The following SETBP1 variants were observed in gnomAD, a reference collection of about 807,000 sequenced individuals.
The protein encoded by SETBP1 is SET-binding protein.
A neutral mutation model predicts 101.0 loss-of-function variants in SETBP1; 9 were observed. The observed-to-expected ratio is 0.09, with a 90% confidence interval of 0.05 to 0.16. The LOEUF (loss-of-function observed/expected upper bound fraction) is 0.16, where lower values mean the gene tolerates loss of function less well. SETBP1 is among the 10% of genes least tolerant of loss of function. The pLI, the probability that SETBP1 is intolerant of heterozygous loss-of-function variation, is 1.00. For missense variants in SETBP1, 1,858 were observed against 2,033.8 expected (o/e 0.91, Z 1.66); for synonymous variants, 818 against 788.5 (o/e 1.04, Z -0.63).
chr18:44,774,162 G>A (rs1373596142), intron 2 of SETBP1, among the ~76,000 whole-genome samples: 2 of 152,146 alleles, frequency 1.3e-5, no homozygotes, highest in Non-Finnish European at 2.9e-5. Flanking sequence ...TGACTTTGAA[G>A]ATTTTAATCT....
chr18:44,944,113 C>G (rs2071149817), intron 3 of SETBP1, among the ~76,000 whole-genome samples: 2 of 152,176 alleles, frequency 1.3e-5, no homozygotes, highest in African/African-American at 4.8e-5. Flanking sequence ...GGATTACACA[C>G]ATGAGCCACT....
rs2073986137 is a variant in SETBP1 at position 45,067,656 on chromosome 18, T to C, written c.*3958T>C. 6.6e-6 allele frequency: 1 copy of C among 152,190 alleles called. No individual in the cohort carries two copies. The highest frequency in any genetic ancestry group is 1.5e-5 in the Non-Finnish European group (1 of 68,038). 9.4% of individuals were successfully genotyped at this position (152,190 alleles called of 1,614,324 possible). On this transcript the variant is annotated 3_prime_UTR_variant, in exon 6 of 6. Transcript: ENST00000649279. The stretch of plus-strand genomic sequence containing the variant: ...GTGCCTAGAAACTCGAACTGTAATA[T>C]ATCGTAGCATTTTCTTGGTGTTTCT...
At chr18:44,748,639 C>G (rs1481182528) in intron 2 of SETBP1, among the ~76,000 whole-genome samples, 1 of 151,874 alleles carries the variant, frequency 6.6e-6, no homozygotes, top group Non-Finnish European at 1.5e-5. Context: ...GTGCAGGCAC[C>G]ATGTGCGTGC....
chr18:44,981,875 C>T, intron 4 of SETBP1, among the ~76,000 whole-genome samples: 1 of 152,106 alleles, frequency 6.6e-6, no homozygotes, highest in East Asian at 1.9e-4. Flanking sequence ...TGTTTTGTTT[C>T]TAATTAGCAG....
Position 44,952,274 on chromosome 18 carries a change from C to T in SETBP1, c.2934C>T (p.His978=), listed in dbSNP as rs145566816. The T allele has an allele frequency of 4.1e-4, 654 of 1,614,030 alleles. 2 individuals are homozygous for T. The highest frequency in any genetic ancestry group is 4.9e-4 in the Non-Finnish European group (578 of 1,180,032). Residue 978 remains histidine (H), a synonymous_variant, in exon 4 of 6, where the codon CAC becomes CAT. Transcript: ENST00000649279. The part of the protein sequence containing the change: ...RISHRSYTFY[H]ENPYPSIFRI... ...CCCACCGGAGTTACACCTTCTACCA[C>T]GAGAATCCATATCCCAGCATTTTTC...
chr18:44,902,170 G>T (rs1391691288), intron 3 of SETBP1, among the ~76,000 whole-genome samples: 2 of 152,054 alleles, frequency 1.3e-5, no homozygotes, highest in Non-Finnish European at 2.9e-5. Flanking sequence ...GTGTAATAGT[G>T]CCATCATTTG....
At chr18:44,681,847 A>G (rs916806382) in intron 1 of SETBP1, among the ~76,000 whole-genome samples, 1 of 152,046 alleles carries the variant, frequency 6.6e-6, no homozygotes, top group African/African-American at 2.4e-5. Context: ...ATCTAACGCT[A>G]AAAGGGCAAT....
intron 3 of SETBP1, among the ~76,000 whole-genome samples, chr18:44,949,561 G>A (rs752006472): frequency 6.6e-6 from 1 of 152,298 alleles, no homozygotes; most frequent in Non-Finnish European, 1.5e-5. Flanking sequence ...ACTGGGCTAA[G>A]TGACCTTTGT....
intron 1 of SETBP1, among the ~76,000 whole-genome samples, chr18:44,690,348 T>C (rs969164850): frequency 9.9e-5 from 15 of 152,208 alleles, no homozygotes; most frequent in Non-Finnish European, 1.8e-4. Context: ...AGCACAAACA[T>C]ATACGTGCCA....
At chr18:45,018,325 A>G (rs1393382321) in intron 4 of SETBP1, among the ~76,000 whole-genome samples, 2 of 152,268 alleles carry the variant, frequency 1.3e-5, no homozygotes, top group African/African-American at 4.8e-5. Context: ...AAAAATTACC[A>G]TCTTGTTTTC....
At chr18:45,041,265 G>T (rs1407635272) in intron 5 of SETBP1, among the ~76,000 whole-genome samples, 2 of 152,050 alleles carry the variant, frequency 1.3e-5, no homozygotes, top group Non-Finnish European at 2.9e-5. Flanking sequence ...AATTTGATGG[G>T]GTAGATAGAT....
At chr18:44,875,316 C>T (rs532521391) in intron 3 of SETBP1, among the ~76,000 whole-genome samples, 11 of 151,792 alleles carry the variant, frequency 7.2e-5, no homozygotes, top group Admixed American at 5.9e-4. Flanking sequence ...GTCAAGAGAT[C>T]GAGACCTCCT....
At chr18:44,989,522 A>T (rs915799308) in intron 4 of SETBP1, among the ~76,000 whole-genome samples, 1 of 152,158 alleles carries the variant, frequency 6.6e-6, no homozygotes, top group African/African-American at 2.4e-5. Flanking sequence ...ATAGAGTGAA[A>T]AGGATATTTG....
chr18:44,870,792 T>C (rs2069255013), intron 3 of SETBP1: 1 of 152,220 alleles, frequency 6.6e-6, no homozygotes, highest in Non-Finnish European at 1.5e-5. Context: ...CGGTAGAGAC[T>C]GAGTTTATTG....
chr18:45,010,557 C>A (rs1413178369), intron 4 of SETBP1, among the ~76,000 whole-genome samples: 1 of 152,178 alleles, frequency 6.6e-6, no homozygotes, highest in African/African-American at 2.4e-5. Context: ...ACAAAGGCAT[C>A]GCAGACATTT....
At chr18:44,766,537 G>T (rs968025944) in intron 2 of SETBP1, among the ~76,000 whole-genome samples, 1 of 152,180 alleles carries the variant, frequency 6.6e-6, no homozygotes, top group Non-Finnish European at 1.5e-5. Flanking sequence ...GGGGGTGGGT[G>T]ATAGAAGGGA....
At chr18:44,897,554 G>T (rs1290738325) in intron 3 of SETBP1, among the ~76,000 whole-genome samples, 1 of 152,140 alleles carries the variant, frequency 6.6e-6, no homozygotes, top group Non-Finnish European at 1.5e-5. Context: ...TCAAGCAGGG[G>T]CCATCATCTT....
chr18:44,720,794 T>C (rs2069569891), intron 2 of SETBP1, among the ~76,000 whole-genome samples: 1 of 152,142 alleles, frequency 6.6e-6, no homozygotes, highest in Non-Finnish European at 1.5e-5. Context: ...CTTGATCTGC[T>C]GGACTGCAGA....
chr18:44,822,974 T>C (rs914447523), intron 2 of SETBP1, among the ~76,000 whole-genome samples: 3 of 152,106 alleles, frequency 2.0e-5, no homozygotes, highest in Non-Finnish European at 2.9e-5. Context: ...GGAAACCCCA[T>C]CTCTACAAAA....
Sources: allele counts gnomAD v4.1 joint callset (sites outside exome capture counted in the v4.1 genomes callset), GRCh38; gene constraint gnomAD v4.1.1; transcripts MANE v1.5; gene names NCBI Gene and HGNC (gene_info 2026-07-23, HGNC 2026-07-21).